RUNX1T1: variants seen among roughly 807,000 people sequenced by gnomAD.
RUNX1T1 encodes RUNX1 partner transcriptional co-repressor 1.
Under a neutral mutation model 62.8 loss-of-function variants are expected in RUNX1T1, and 4 were observed. The observed-to-expected ratio is 0.06, with a 90% CI of 0.03 to 0.15. The LOEUF is 0.15. Among genes scored for constraint, RUNX1T1 ranks in the 10% least tolerant of loss-of-function variants. The pLI, the probability that RUNX1T1 is intolerant of heterozygous loss-of-function variation, is 1.00. For missense variants in RUNX1T1, 508 were observed against 754.3 expected, an observed-to-expected ratio of 0.67 and a Z score of 3.82; for synonymous variants, 291 against 286.0, an observed-to-expected ratio of 1.02 and a Z score of -0.18.
At chr8:91,986,368 C>T (rs764004695) in intron 7 of RUNX1T1, 43 bp from the exon 9 acceptor site, 3 of 1,476,668 alleles carry the variant, frequency 2.0e-6, no homozygotes, top group Non-Finnish European at 2.8e-6. Context: ...TATAAATCAT[C>T]ACAATTAAAG....
At chr8:92,080,314 T>TA (rs1447944501) in intron 1 of RUNX1T1, among the ~76,000 whole-genome samples, 12 of 152,258 alleles carry the variant, frequency 7.9e-5, no homozygotes, top group Non-Finnish European at 1.5e-4. Flanking sequence ...CTCTTCTTTA[T>TA]ACTATAGTAC....
chr8:92,083,713 C>G (rs890745110), intron 1 of RUNX1T1, among the ~76,000 whole-genome samples: 2 of 152,110 alleles, frequency 1.3e-5, no homozygotes, highest in African/African-American at 4.8e-5. Flanking sequence ...GGTCTAGAAC[C>G]AGAAATACCA....
chr8:92,103,151 A>T (rs943063890), upstream of RUNX1T1: 4 of 377,006 alleles, frequency 1.1e-5, no homozygotes, highest in Non-Finnish European at 1.9e-5. Context: ...AGACTTGCGG[A>T]GCTCTGCTCC....
chr8:91,970,347 A>G (rs1812562442), intron 10 of RUNX1T1, among the ~76,000 whole-genome samples: 1 of 152,202 alleles, frequency 6.6e-6, no homozygotes, highest in Non-Finnish European at 1.5e-5. Context: ...ACACATATGC[A>G]CATGCACACA....
intron 1 of RUNX1T1, among the ~76,000 whole-genome samples, chr8:92,083,331 A>C (rs937297402): frequency 1.3e-5 from 2 of 152,194 alleles, no homozygotes; most frequent in African/African-American, 2.4e-5. Context: ...GAATGGGAGA[A>C]AATTTTTGCA....
At chr8:92,036,894 C>T (rs1827515392) in intron 1 of RUNX1T1, among the ~76,000 whole-genome samples, 1 of 152,188 alleles carries the variant, frequency 6.6e-6, no homozygotes, top group African/African-American at 2.4e-5. Flanking sequence ...ATCTGGAACT[C>T]TTATATTGTT....
intron 5 of RUNX1T1, among the ~76,000 whole-genome samples, chr8:91,996,137 G>T (rs1484856791): frequency 6.6e-6 from 1 of 152,048 alleles, no homozygotes; most frequent in Non-Finnish European, 1.5e-5. Flanking sequence ...GAAGTGAGAG[G>T]TAACTGTATT....
intron 8 of RUNX1T1, among the ~76,000 whole-genome samples, chr8:91,982,917 A>C (rs928830871): frequency 2.6e-5 from 3 of 115,162 alleles, no homozygotes; most frequent in African/African-American, 9.8e-5. Context: ...TTAGGAAAAT[A>C]CTTTTTTTTT....
exon 11 of RUNX1T1, chr8:91,960,395 G>T: frequency 1.2e-6 from 2 of 1,614,142 alleles, no homozygotes; most frequent in South Asian, 2.2e-5. Context: ...GGGCCTGCAG[G>T]GTCTGTCCAC....
chr8:92,054,576 A>G (rs1215453267), intron 1 of RUNX1T1, among the ~76,000 whole-genome samples: 1 of 152,216 alleles, frequency 6.6e-6, no homozygotes, highest in Non-Finnish European at 1.5e-5. Flanking sequence ...CAGACTGTAA[A>G]TGGAAGAGCA....
At chr8:92,070,600 T>C (rs554501314) in intron 2 of RUNX1T1, among the ~76,000 whole-genome samples, 1 of 131,306 alleles carries the variant, frequency 7.6e-6, no homozygotes, top group East Asian at 1.9e-4. Context: ...ATATAAAATA[T>C]TGACATTACT....
chr8:91,992,021 C>A, intron 5 of RUNX1T1, 132 bp from the exon 7 acceptor site: 1 of 948,292 alleles, frequency 1.1e-6, no homozygotes. Flanking sequence ...ACTCAGCTTC[C>A]CAGAAAACAT....
intron 1 of RUNX1T1, among the ~76,000 whole-genome samples, chr8:92,029,964 C>T (rs1261725680): frequency 1.3e-5 from 2 of 152,110 alleles, no homozygotes; most frequent in African/African-American, 4.8e-5. Context: ...CAAGTCATTC[C>T]CCTATTTAAA....
chr8:92,046,348 C>T lies in RUNX1T1; in HGVS notation c.7+16198G>A, dbSNP rs554439213. Among the ~76,000 whole-genome samples the T allele has an allele frequency of 7.2e-5, 11 of 152,184 alleles. No homozygotes were observed. The South Asian group carries it at 2.3e-3, about 32-fold the overall frequency. ...CAAATAATGCCCCTTAGTATGAACA[C>T]ATGATTAATACAAAGATTAAAAAAA... On this transcript the variant is annotated intron_variant, in intron 1 of 10. Coordinates refer to ENST00000396218, the Ensembl canonical transcript of RUNX1T1.
intron 1 of RUNX1T1, among the ~76,000 whole-genome samples, chr8:92,089,383 G>A (rs1030333562): frequency 1.3e-5 from 2 of 152,114 alleles, no homozygotes; most frequent in African/African-American, 4.8e-5. Context: ...GAATTGTTTA[G>A]TCTTTCCTGA....
chr8:91,975,777 G>C, intron 9 of RUNX1T1, 128 bp downstream of exon 10: 1 of 622,854 alleles, frequency 1.6e-6, no homozygotes. Flanking sequence ...GGTTTTTTTT[G>C]TTTTGTTTTG....
At chr8:91,989,207 A>C (rs1006900260) in intron 6 of RUNX1T1, among the ~76,000 whole-genome samples, 1 of 152,164 alleles carries the variant, frequency 6.6e-6, no homozygotes, top group Non-Finnish European at 1.5e-5. Flanking sequence ...TCTCGTGAGT[A>C]TATGTCCCTA....
chr8:92,017,027 G>C (rs2131165697), intron 2 of RUNX1T1, among the ~76,000 whole-genome samples, 199 bp downstream of exon 3: 1 of 152,258 alleles, frequency 6.6e-6, no homozygotes, highest in South Asian at 2.1e-4. Flanking sequence ...GGCAAATATT[G>C]GCAGTCACAC....
intron 1 of RUNX1T1, among the ~76,000 whole-genome samples, chr8:92,092,356 C>A (rs1837161363): frequency 6.6e-6 from 1 of 152,130 alleles, no homozygotes; most frequent in Non-Finnish European, 1.5e-5. Context: ...GTGGTGCTTT[C>A]CCTGTCCATA....
Sources: gnomAD v4.1 joint callset for allele counts (sites outside exome capture counted in the v4.1 genomes callset) on GRCh38, gnomAD v4.1.1 for gene constraint, MANE v1.5 for transcripts, NCBI Gene and HGNC (gene_info 2026-07-23, HGNC 2026-07-21) for gene names.